Variants in SPON1 observed in about 807,000 individuals in gnomAD.
SPON1 encodes the protein spondin 1.
In SPON1, 52 loss-of-function variants were observed where a neutral mutation model predicts 111.7. The observed-to-expected ratio is 0.47, with a 90% CI of 0.37 to 0.59. The LOEUF (loss-of-function observed/expected upper bound fraction) is 0.59. SPON1 is among the 20% of genes least tolerant of loss of function. The pLI is 0.00. For synonymous variants in SPON1, 410 were observed against 395.8 expected, an observed-to-expected ratio of 1.04 and a Z score of -0.43; for missense variants, 957 against 1,068.5, an observed-to-expected ratio of 0.90 and a Z score of 1.46.
intron 6 of SPON1, among the ~76,000 whole-genome samples, chr11:14,193,997 G>A (rs1848374525): frequency 6.6e-6 from 1 of 152,214 alleles, no homozygotes; most frequent in Admixed American, 6.5e-5. Flanking sequence ...CCCCTGCTGA[G>A]CCCCTGGTGA....
At chr11:14,117,801 G>A (rs782734206) in intron 5 of SPON1, among the ~76,000 whole-genome samples, 3 of 152,180 alleles carry the variant, frequency 2.0e-5, no homozygotes, top group East Asian at 1.9e-4. Context: ...CTTTCTCAAC[G>A]ACAAACTAGT....
chr11:14,197,797 A>G (rs906097993), intron 6 of SPON1, among the ~76,000 whole-genome samples: 51 of 152,194 alleles, frequency 3.4e-4, no homozygotes, highest in Admixed American at 1.3e-3. Context: ...CCTGGGTGAC[A>G]GAGCGAGACT....
intron 6 of SPON1, among the ~76,000 whole-genome samples, chr11:14,160,253 T>G (rs962242434): frequency 2.0e-5 from 3 of 146,722 alleles, no homozygotes; most frequent in Non-Finnish European, 4.5e-5. Flanking sequence ...CCTGATAAAC[T>G]CAGGATGTTT....
At chr11:13,995,791 G>A (rs1348929288) in intron 2 of SPON1, among the ~76,000 whole-genome samples, 1 of 152,118 alleles carries the variant, frequency 6.6e-6, no homozygotes, top group African/African-American at 2.4e-5. Context: ...TATTAGGGTG[G>A]CCTCCTCTGT....
chr11:14,109,828 G>A (rs2133848258), intron 5 of SPON1, among the ~76,000 whole-genome samples: 1 of 152,214 alleles, frequency 6.6e-6, no homozygotes, highest in African/African-American at 2.4e-5. Context: ...GACACCTTCT[G>A]AGAATAAAGG....
At chr11:13,993,577 C>T (rs1409325438) in intron 2 of SPON1, among the ~76,000 whole-genome samples, 1 of 152,188 alleles carries the variant, frequency 6.6e-6, no homozygotes, top group Non-Finnish European at 1.5e-5. Flanking sequence ...TCTTATCAGG[C>T]ACTTCATTCC....
chr11:14,262,139 C>T (rs1554941968), intron 14 of SPON1, among the ~76,000 whole-genome samples: 1 of 152,210 alleles, frequency 6.6e-6, no homozygotes, highest in East Asian at 1.9e-4. Context: ...ACCCTCTTCT[C>T]TACTGAATGT....
At chr11:14,161,980 C>T (rs2133876354) in intron 6 of SPON1, among the ~76,000 whole-genome samples, 1 of 151,426 alleles carries the variant, frequency 6.6e-6, no homozygotes, top group East Asian at 2.0e-4. Context: ...ATGGCAAAAC[C>T]CCATCTCTAC....
chr11:13,986,192 C>T (rs1274816536), intron 2 of SPON1, among the ~76,000 whole-genome samples: 24 of 152,136 alleles, frequency 1.6e-4, no homozygotes, highest in African/African-American at 5.6e-4. Context: ...ACCTCTGTTG[C>T]TGAAAGTCAA....
At chr11:13,965,676 G>A (rs1591334348) in intron 1 of SPON1, among the ~76,000 whole-genome samples, 1 of 152,276 alleles carries the variant, frequency 6.6e-6, no homozygotes, top group Middle Eastern at 3.4e-3. Flanking sequence ...GAACCATGCT[G>A]AGGTTTTCCA....
intron 6 of SPON1, among the ~76,000 whole-genome samples, chr11:14,166,837 C>G (rs1848035574): frequency 6.6e-6 from 1 of 152,104 alleles, no homozygotes; most frequent in Non-Finnish European, 1.5e-5. Flanking sequence ...ACTTTTTCTT[C>G]TAATCTCACA....
At chr11:14,018,296 A>G (rs566625475) in intron 2 of SPON1, among the ~76,000 whole-genome samples, 1 of 152,334 alleles carries the variant, frequency 6.6e-6, no homozygotes, top group East Asian at 1.9e-4. Flanking sequence ...TGGAAATAGG[A>G]TCTACTCTGT....
At chr11:14,254,467 C>A in intron 7 of SPON1, 61 bp from the exon 8 acceptor site, 1 of 1,415,464 alleles carries the variant, frequency 7.1e-7, no homozygotes, top group Non-Finnish European at 9.6e-7. Flanking sequence ...GGCAGATTTC[C>A]CTCAGAGTGA....
At chr11:13,967,851 A>G (rs1489627047) in intron 1 of SPON1, among the ~76,000 whole-genome samples, 3 of 152,248 alleles carry the variant, frequency 2.0e-5, no homozygotes, top group African/African-American at 7.2e-5. Flanking sequence ...GATAATAAAA[A>G]TTAGAAAATG....
At chr11:14,244,099 T>G (rs191823033) in intron 7 of SPON1, among the ~76,000 whole-genome samples, 32 of 152,290 alleles carry the variant, frequency 2.1e-4, no homozygotes, top group East Asian at 5.8e-4. Context: ...AAATCAGTCC[T>G]TACTTGATTC....
chr11:14,054,037 G>T (rs1554918893), intron 3 of SPON1, among the ~76,000 whole-genome samples: 1 of 152,172 alleles, frequency 6.6e-6, no homozygotes, highest in East Asian at 1.9e-4. Context: ...CTCCCTGCAA[G>T]CCTGCTCACA....
intron 4 of SPON1, 98 bp downstream of exon 4, chr11:14,075,516 CGTGA>C: frequency 1.2e-6 from 1 of 855,952 alleles, no homozygotes; most frequent in South Asian, 1.5e-5. Flanking sequence ...CCCTGGGCTT[CGTGA>C]GTTCCTCTGG....
At chr11:14,160,729 A>ATATATATTTATATATATTTATATATATT (rs1847921322) in intron 6 of SPON1, among the ~76,000 whole-genome samples, 1 of 12,236 alleles carries the variant, frequency 8.2e-5, no homozygotes, top group Non-Finnish European at 1.1e-4. Flanking sequence ...TTATATATTT[A>ATATATATTTATATATATTTATATATATT]TATATATTTA....
intron 5 of SPON1, among the ~76,000 whole-genome samples, chr11:14,114,698 C>T (rs1477962834): frequency 6.6e-6 from 1 of 152,184 alleles, no homozygotes; most frequent in African/African-American, 2.4e-5. Flanking sequence ...TCCAATTCCC[C>T]AGTCTGTATT....
Sources: gnomAD v4.1 joint callset for allele counts (sites outside exome capture counted in the v4.1 genomes callset) on GRCh38, gnomAD v4.1.1 for gene constraint, MANE v1.5 for transcripts, NCBI Gene and HGNC (gene_info 2026-07-23, HGNC 2026-07-21) for gene names.